The following UBAP1 variants were observed in gnomAD, a reference collection of about 807,000 sequenced individuals.
UBAP1 encodes ubiquitin-associated protein 1.
Under a neutral mutation model 39.0 loss-of-function variants are expected in UBAP1, and 5 were observed. That is an observed-to-expected ratio of 0.13 (90% CI 0.07 to 0.27). The LOEUF is 0.27. Ranked by LOEUF, UBAP1 falls within the 10% of genes least tolerant of loss-of-function variation. The probability of loss-of-function intolerance (pLI) is 1.00; values close to 1 mark genes in which losing one functional copy is unlikely to be tolerated. For synonymous variants in UBAP1, 211 were observed against 225.1 expected (o/e 0.94, Z 0.56); for missense variants, 490 against 608.1 (o/e 0.81, Z 2.04).
At chr9:34,223,486 G>T (rs921721823) in intron 2 of UBAP1, among the ~76,000 whole-genome samples, 2 of 151,804 alleles carry the variant, frequency 1.3e-5, no homozygotes, top group African/African-American at 4.8e-5. Flanking sequence ...ACAGAGTCTC[G>T]CTCTGTCGCC....
chr9:34,228,850 G>T (rs1833254907), intron 2 of UBAP1, among the ~76,000 whole-genome samples: 1 of 151,662 alleles, frequency 6.6e-6, no homozygotes, highest in South Asian at 2.1e-4. Context: ...CAAAGTGCTG[G>T]GATTACAGCT....
At chr9:34,179,398 G>C (rs562840772) in intron 1 of UBAP1, among the ~76,000 whole-genome samples, 158 bp downstream of exon 1, 79 of 152,202 alleles carry the variant, frequency 5.2e-4, no homozygotes, top group African/African-American at 1.9e-3. Flanking sequence ...TCCGCGATTC[G>C]GGGAGGATTC....
At chr9:34,210,746 TA>T (rs1831975083) in intron 1 of UBAP1, among the ~76,000 whole-genome samples, 2 of 151,324 alleles carry the variant, frequency 1.3e-5, no homozygotes, top group African/African-American at 4.8e-5. Flanking sequence ...TTTTTTTTTT[TA>T]CATGTTTTCT....
intron 2 of UBAP1, among the ~76,000 whole-genome samples, chr9:34,226,105 TTGTGTGTGTGTGTGTGTGTGTGTG>T (rs74180553): frequency 2.3e-5 from 2 of 88,276 alleles, no homozygotes; most frequent in African/African-American, 9.0e-5. Flanking sequence ...TCCTACTCTA[TTGTGTGTGTGTGTGTGTGTGTGTG>T]TGTGTGTGTG....
intron 1 of UBAP1, among the ~76,000 whole-genome samples, chr9:34,185,733 C>T (rs909065259): frequency 6.6e-6 from 1 of 151,752 alleles, no homozygotes; most frequent in African/African-American, 2.4e-5. Context: ...GTAATCCCAG[C>T]TACTCAGGAG....
At chr9:34,204,305 A>C (rs1430344872) in intron 1 of UBAP1, among the ~76,000 whole-genome samples, 1 of 152,216 alleles carries the variant, frequency 6.6e-6, no homozygotes, top group East Asian at 1.9e-4. Context: ...ACAACAACAA[A>C]AAACTGACCA....
intron 2 of UBAP1, among the ~76,000 whole-genome samples, chr9:34,232,906 T>C (rs1472441419): frequency 2.0e-5 from 3 of 152,222 alleles, no homozygotes; most frequent in African/African-American, 7.2e-5. Flanking sequence ...CTCCCAGAGC[T>C]GCTCCAGAAA....
chr9:34,221,044 C>T (rs1430477430), intron 2 of UBAP1, 96 bp downstream of exon 2: 8 of 1,089,710 alleles, frequency 7.3e-6, no homozygotes, highest in African/African-American at 4.7e-5. Context: ...CCCTTTTTGT[C>T]TCTTTTAATG....
chr9:34,220,778 T>C, intron 1 of UBAP1, 130 bp from the exon 2 acceptor site: 1 of 698,264 alleles, frequency 1.4e-6, no homozygotes, highest in Non-Finnish European at 2.4e-6. Context: ...TTTTGGACTT[T>C]GGGAGTGAGA....
At chr9:34,185,418 T>C (rs1226299783) in intron 1 of UBAP1, among the ~76,000 whole-genome samples, 1 of 152,140 alleles carries the variant, frequency 6.6e-6, no homozygotes, top group East Asian at 1.9e-4. Flanking sequence ...GATTGGTGGT[T>C]CATGCCTGTA....
At chr9:34,239,901 C>G (rs1418580310) in intron 3 of UBAP1, among the ~76,000 whole-genome samples, 1 of 152,184 alleles carries the variant, frequency 6.6e-6, no homozygotes, top group Non-Finnish European at 1.5e-5. Flanking sequence ...CCCTCCCTCC[C>G]TGCACCGCAC....
chr9:34,190,227 G>T (rs550691585), intron 1 of UBAP1, among the ~76,000 whole-genome samples: 5 of 152,270 alleles, frequency 3.3e-5, no homozygotes, highest in African/African-American at 1.2e-4. Context: ...ATCACGGAAG[G>T]TCTTTAATTG....
intron 2 of UBAP1, among the ~76,000 whole-genome samples, chr9:34,223,285 C>A (rs1389610506): frequency 2.0e-5 from 3 of 151,920 alleles, no homozygotes; most frequent in African/African-American, 7.3e-5. Context: ...ACAAAATTAG[C>A]CGGGTGTAGT....
chr9:34,182,661 TTCTTTCTTTCTTTCTTTCTTTCTC>T (rs1830131821), intron 1 of UBAP1, among the ~76,000 whole-genome samples: 1 of 57,982 alleles, frequency 1.7e-5, no homozygotes, highest in African/African-American at 4.1e-5. Flanking sequence ...CTTTCTTTCT[TTCTTTCTTTCTTTCTTTCTTTCTC>T]TCTCTCTTTC....
At chr9:34,251,178 G>A (rs1236161273) in intron 6 of UBAP1, among the ~76,000 whole-genome samples, 1 of 152,180 alleles carries the variant, frequency 6.6e-6, no homozygotes, top group Non-Finnish European at 1.5e-5. Flanking sequence ...GCTGACTCCT[G>A]AAGGTTGATG....
chr9:34,224,251 G>A (rs999984959), intron 2 of UBAP1: 14 of 484,516 alleles, frequency 2.9e-5, no homozygotes, highest in Non-Finnish European at 7.6e-6. Context: ...TGTGGCCCAG[G>A]GGTAGCGCAT....
At chr9:34,222,950 C>CA (rs1163010085) in intron 2 of UBAP1, among the ~76,000 whole-genome samples, 1 of 152,062 alleles carries the variant, frequency 6.6e-6, no homozygotes, top group Non-Finnish European at 1.5e-5. Context: ...GAGAAAATAG[C>CA]AAAAATGAAA....
At chr9:34,185,355 C>G (rs1275699205) in intron 1 of UBAP1, among the ~76,000 whole-genome samples, 1 of 152,158 alleles carries the variant, frequency 6.6e-6, no homozygotes, top group East Asian at 1.9e-4. Flanking sequence ...CAAGACCAGC[C>G]TGGACAACAC....
At chr9:34,205,392 C>T (rs761240369) in intron 1 of UBAP1, among the ~76,000 whole-genome samples, 2 of 152,142 alleles carry the variant, frequency 1.3e-5, no homozygotes, top group African/African-American at 2.4e-5. Context: ...ATGGTAGTCT[C>T]ACAAGACTTA....
Sources: allele counts gnomAD v4.1 joint callset (sites outside exome capture counted in the v4.1 genomes callset), GRCh38; gene constraint gnomAD v4.1.1; transcripts MANE v1.5; gene names NCBI Gene and HGNC (gene_info 2026-07-23, HGNC 2026-07-21).